Variants in BEND4 observed in about 807,000 individuals in gnomAD.
BEND4 encodes BEN domain-containing protein 4.
In BEND4, 27 loss-of-function variants were observed where a neutral mutation model predicts 54.7. That is an observed-to-expected ratio of 0.49 (90% confidence interval 0.36 to 0.68). BEND4 has a LOEUF of 0.68. Ranked by LOEUF, BEND4 falls within the 30% of genes least tolerant of loss-of-function variation. The probability of loss-of-function intolerance (pLI) is 0.00; values close to 1 mark genes in which losing one functional copy is unlikely to be tolerated. For synonymous variants in BEND4, 327 were observed against 299.5 expected (o/e 1.09, Z -0.95); for missense variants, 702 against 697.2 (o/e 1.01, Z -0.08).
At chr4:42,137,745 A>C (rs889149689) in intron 3 of BEND4, among the ~76,000 whole-genome samples, 3 of 152,286 alleles carry the variant, frequency 2.0e-5, no homozygotes, top group Non-Finnish European at 2.9e-5. Context: ...AAGAACTCAT[A>C]CTCCTCCACA....
At chr4:42,139,040 T>C (rs1481805765) in intron 3 of BEND4, among the ~76,000 whole-genome samples, 2 of 152,184 alleles carry the variant, frequency 1.3e-5, no homozygotes, top group East Asian at 1.9e-4. Flanking sequence ...GCTTCCTAAG[T>C]AAATGTGACT....
chr4:42,152,576 T>G lies in BEND4; in HGVS notation c.-278A>C, dbSNP rs1721349698. The G allele has an allele frequency of 6.5e-6, 1 of 153,500 alleles. No homozygotes were observed. Among genetic ancestry groups the G allele is most frequent in the African/African-American group, 2.4e-5 (1 of 41,420 alleles). The allele number at this position is 153,500 out of a possible 1,614,324, so 9.5% of individuals were successfully genotyped here. ...TGGTGAAGAAGGTGGGGATCCGGGA[T>G]CTGGCTACGGCGAGACTTTAGAGAC... On this transcript the variant is annotated 5_prime_UTR_variant, in exon 1 of 6. Transcript: ENST00000502486.
chr4:42,131,206 T>C (rs1274659981), intron 3 of BEND4, among the ~76,000 whole-genome samples: 1 of 152,148 alleles, frequency 6.6e-6, no homozygotes, highest in Non-Finnish European at 1.5e-5. Flanking sequence ...ATCCTGCACA[T>C]GTATCCCGGA....
chr4:42,151,738 C>A lies in BEND4; in HGVS notation c.406G>T (p.Val136Phe), dbSNP rs760690712. The change falls in exon 2 of 6, where the codon GTC becomes TTC. Residue 136 changes from valine to phenylalanine, a missense_variant. By Grantham distance (50) the Val-to-Phe change is conservative. Transcript: ENST00000502486. Reference protein sequence around the residue: ...ASSSSSFAAVVRYGPGAAAAA... With the variant: ...ASSSSSFAAVFRYGPGAAAAA... ...GCCGCCGCGCCTGGGCCATACCTGA[C>A]GACAGCGGCGAACGAAGACGACGAG... 3 of 1,501,670 alleles carry A rather than the reference C, an allele frequency of 2.0e-6. No homozygotes were observed. The highest frequency in any genetic ancestry group is 1.8e-6 in the Non-Finnish European group (2 of 1,131,212). 93.0% of individuals were successfully genotyped at this position (1,501,670 alleles called of 1,614,324 possible).
At chr4:42,145,324 T>C (rs1168911546) in intron 2 of BEND4, among the ~76,000 whole-genome samples, 1 of 152,178 alleles carries the variant, frequency 6.6e-6, no homozygotes, top group Non-Finnish European at 1.5e-5. Context: ...TTTTTTCTTA[T>C]TATCCTTTCA....
At position 42,111,155 on chromosome 4, in the gene BEND4, A is replaced by G. The variant is rs938666660; in HGVS notation, c.*6363T>C. On this transcript the variant is annotated 3_prime_UTR_variant, in exon 6 of 6. Transcript: ENST00000502486. Reference sequence around the variant, plus strand: ...GAAATGAGCCTAACACTTAAAAAACAACTTACTCTTCTATATAAATTGTTC... The same window carrying G: ...GAAATGAGCCTAACACTTAAAAAACGACTTACTCTTCTATATAAATTGTTC... The G allele has an allele frequency of 9.9e-5, 15 of 152,252 alleles. No homozygotes were observed. Among genetic ancestry groups the G allele is most frequent in the African/African-American group, 3.6e-4 (15 of 41,470 alleles). 9.4% of individuals were successfully genotyped at this position (152,252 alleles called of 1,614,324 possible). A position where few individuals can be genotyped will look rare whatever the true frequency, so the allele number is the denominator to read the frequency against.
chr4:42,128,077 CTTGAGTCCAGCATT>C (rs1387140359), intron 3 of BEND4, among the ~76,000 whole-genome samples: 4 of 152,090 alleles, frequency 2.6e-5, no homozygotes, highest in Non-Finnish European at 5.9e-5. Context: ...GGGAGGATCA[CTTGAGTCCAGCATT>C]TCAGGGCTGC....
chr4:42,145,274 C>T lies in BEND4; in HGVS notation c.488-1280G>A, dbSNP rs553858217. ...ATGTAAGACCAAGGAAACCACACTA[C>T]AGGAGAACTCCATGCAGTGCTCAAC... On this transcript the variant is annotated intron_variant, in intron 2 of 5. Transcript: ENST00000502486. Among the ~76,000 whole-genome samples, 10 of 152,330 alleles carry T rather than the reference C, an allele frequency of 6.6e-5. No individual in the cohort carries two copies. The South Asian group carries it at 2.1e-3, about 32-fold the overall frequency.
At chr4:42,144,562 G>A (rs1721012147) in intron 2 of BEND4, among the ~76,000 whole-genome samples, 1 of 152,232 alleles carries the variant, frequency 6.6e-6, no homozygotes. Flanking sequence ...GGCACAGGAT[G>A]AGCACAAAAC....
At chr4:42,151,472 A>T in intron 2 of BEND4, 185 bp downstream of exon 2, 1 of 504,470 alleles carries the variant, frequency 2.0e-6, no homozygotes, top group Non-Finnish European at 3.1e-6. Flanking sequence ...TCGGAAGCCC[A>T]GGCGCGGCGG....
At chr4:42,139,194 T>C (rs1460254105) in intron 3 of BEND4, among the ~76,000 whole-genome samples, 1 of 152,146 alleles carries the variant, frequency 6.6e-6, no homozygotes, top group East Asian at 1.9e-4. Context: ...TTTCAAAAAA[T>C]TTAACTTCTA....
Position 42,125,624 on chromosome 4 carries a change from TGTG to T in BEND4, c.1102_1104del (p.His368del). 1 of 1,613,814 alleles carries T rather than the reference TGTG, an allele frequency of 6.2e-7. No homozygotes were observed. The highest frequency in any genetic ancestry group is 8.5e-7 in the Non-Finnish European group (1 of 1,179,792). On this transcript the variant is annotated inframe_deletion, in exon 4 of 6. Coordinates refer to ENST00000502486, the MANE Select transcript of BEND4 (RefSeq NM_207406.4). Reference sequence around the variant, plus strand: ...GCTGGCTGTGGTATCAGGAGTTGGTTGTGGTGCTGCAGAACCATCTTCAAGTAA... The same window carrying T: ...GCTGGCTGTGGTATCAGGAGTTGGTTGTGCTGCAGAACCATCTTCAAGTAA...
chr4:42,133,877 T>C (rs1016339008), intron 3 of BEND4, among the ~76,000 whole-genome samples: 1 of 152,024 alleles, frequency 6.6e-6, no homozygotes, highest in Admixed American at 6.5e-5. Flanking sequence ...ACAAACAAAC[T>C]GGGAAAATGA....
intron 2 of BEND4, among the ~76,000 whole-genome samples, chr4:42,145,559 G>GC (rs779203969): frequency 6.6e-5 from 10 of 151,952 alleles, no homozygotes; most frequent in Non-Finnish European, 1.5e-4. Flanking sequence ...GGACATGGTG[G>GC]CGCGCACCTG....
rs1459627532 is a variant in BEND4, at chr4:42,143,489, C to A, written c.993G>T (p.Gln331His). Residue 331 changes from glutamine to histidine, a missense_variant, in exon 3 of 6, where the codon CAG becomes CAT. Coordinates refer to ENST00000502486, the MANE Select transcript of BEND4 (RefSeq NM_207406.4). Reference protein sequence around the residue: ...GYCPRCQELEQEVISLQQENE... With the variant: ...GYCPRCQELEHEVISLQQENE... ...TTTCTTGTTGCAGTGAAATAACCTC[C>A]TGCTCCAGCTCTTGGCATCGAGGAC... 20 of 1,552,366 alleles carry A rather than the reference C, an allele frequency of 1.3e-5. No individual in the cohort carries two copies. The highest frequency in any genetic ancestry group is 1.7e-5 in the Non-Finnish European group (20 of 1,147,164).
intron 4 of BEND4, among the ~76,000 whole-genome samples, chr4:42,123,694 G>GGAAAA (rs1553921967): frequency 2.0e-5 from 1 of 50,808 alleles, no homozygotes; most frequent in African/African-American, 7.5e-5. Context: ...CTGTAATTCA[G>GGAAAA]AAAAAAAAAA....
intron 2 of BEND4, among the ~76,000 whole-genome samples, chr4:42,150,490 C>A (rs1298544736): frequency 6.6e-6 from 1 of 152,234 alleles, no homozygotes. Flanking sequence ...TTACTGGAGG[C>A]ATCTATAACT....
intron 3 of BEND4, among the ~76,000 whole-genome samples, chr4:42,142,155 CT>C (rs1425024047): frequency 6.6e-6 from 1 of 151,728 alleles, no homozygotes; most frequent in Non-Finnish European, 1.5e-5. Context: ...TCCGCCCCCC[CT>C]CGGCCTCCCA....
At chr4:42,129,639 A>G (rs766995948) in intron 3 of BEND4, among the ~76,000 whole-genome samples, 2 of 152,104 alleles carry the variant, frequency 1.3e-5, no homozygotes, top group Non-Finnish European at 2.9e-5. Flanking sequence ...GCAATGGGGA[A>G]AGAATAGGGA....
Sources: gnomAD v4.1 joint callset for allele counts (sites outside exome capture counted in the v4.1 genomes callset) on GRCh38, gnomAD v4.1.1 for gene constraint, MANE v1.5 for transcripts, NCBI Gene and HGNC (gene_info 2026-07-23, HGNC 2026-07-21) for gene names.